The following CERS6 variants were observed in gnomAD, a reference collection of about 807,000 sequenced individuals.
The protein encoded by CERS6 is LAG1 homolog, ceramide synthase 6.
Under a neutral mutation model 56.8 loss-of-function variants are expected in CERS6, and 26 were observed. That is an observed-to-expected ratio of 0.46 (90% CI 0.34 to 0.63). CERS6 has a LOEUF of 0.63. Ranked by LOEUF, CERS6 falls within the 30% of genes least tolerant of loss-of-function variation. CERS6 has a pLI of 0.01. For synonymous variants in CERS6, 164 were observed against 173.3 expected, an observed-to-expected ratio of 0.95 and a Z score of 0.42; for missense variants, 415 against 467.5, an observed-to-expected ratio of 0.89 and a Z score of 1.04.
rs193263587 is a variant in CERS6, at chr2:168,752,541, C to A, written c.846-13051C>A. 6.5e-3 allele frequency among the ~76,000 whole-genome samples: 992 copies of A among 152,264 alleles called. 3 individuals are homozygous for A. The highest frequency in any genetic ancestry group is 0.017 in the Middle Eastern group (5 of 294). ...TACTGCCAGGTCACACCCAGCCAGT[C>A]CTTGTGTATTCATATTCCTGGTTGC... On this transcript the variant is annotated intron_variant, in intron 8 of 9. Coordinates refer to ENST00000305747, the MANE Select transcript of CERS6 (RefSeq NM_203463.3).
At chr2:168,515,098 A>G (rs1411682938) in intron 1 of CERS6, among the ~76,000 whole-genome samples, 5 of 152,230 alleles carry the variant, frequency 3.3e-5, no homozygotes. Flanking sequence ...ATGAGATTTT[A>G]GTATTTTAGA....
chr2:168,498,616 C>G (rs1027758136), intron 1 of CERS6, among the ~76,000 whole-genome samples: 1 of 152,178 alleles, frequency 6.6e-6, no homozygotes, highest in Admixed American at 6.5e-5. Flanking sequence ...GGAGACTTAA[C>G]GTAAATATAT....
At chr2:168,757,371 A>C (rs938075158) in intron 8 of CERS6, among the ~76,000 whole-genome samples, 8 of 151,678 alleles carry the variant, frequency 5.3e-5, no homozygotes, top group African/African-American at 2.0e-4. Context: ...AAAAAAAAAA[A>C]AAACATCTGC....
intron 1 of CERS6, among the ~76,000 whole-genome samples, chr2:168,457,664 G>C (rs1197455625): frequency 6.6e-6 from 1 of 151,992 alleles, no homozygotes; most frequent in African/African-American, 2.4e-5. Context: ...TGCATTTCTC[G>C]CTTCCACTCC....
chr2:168,457,885 G>C (rs1476015117), intron 1 of CERS6, among the ~76,000 whole-genome samples: 1 of 152,156 alleles, frequency 6.6e-6, no homozygotes, highest in Non-Finnish European at 1.5e-5. Flanking sequence ...GGACAGTATT[G>C]TTGCTTGAAA....
At chr2:168,497,441 A>G (rs1403470286) in intron 1 of CERS6, among the ~76,000 whole-genome samples, 3 of 152,164 alleles carry the variant, frequency 2.0e-5, no homozygotes, top group East Asian at 1.9e-4. Context: ...AAAGATAGAT[A>G]CCTAAGTACT....
At chr2:168,485,812 G>C (rs1326450460) in intron 1 of CERS6, among the ~76,000 whole-genome samples, 2 of 152,168 alleles carry the variant, frequency 1.3e-5, no homozygotes, top group Non-Finnish European at 2.9e-5. Flanking sequence ...ATGTTTGTGT[G>C]TAGGTTTTTG....
At chr2:168,559,188 G>A (rs1054496671) in intron 2 of CERS6, among the ~76,000 whole-genome samples, 1 of 151,374 alleles carries the variant, frequency 6.6e-6, no homozygotes, top group Non-Finnish European at 1.5e-5. Context: ...TGTAGATGGT[G>A]TCATTACTAC....
chr2:168,750,723 A>G (rs1306032460), intron 8 of CERS6, among the ~76,000 whole-genome samples: 1 of 152,130 alleles, frequency 6.6e-6, no homozygotes, highest in Non-Finnish European at 1.5e-5. Context: ...TCATGGACAA[A>G]TTTCCTCACG....
chr2:168,750,438 T>G (rs552829615), intron 8 of CERS6, among the ~76,000 whole-genome samples: 3 of 152,376 alleles, frequency 2.0e-5, no homozygotes, highest in Admixed American at 6.5e-5. Context: ...TTGTTTGATA[T>G]CTTTGTTTCT....
intron 1 of CERS6, among the ~76,000 whole-genome samples, chr2:168,481,796 T>C (rs1694182822): frequency 6.6e-6 from 1 of 152,240 alleles, no homozygotes; most frequent in Admixed American, 6.5e-5. Flanking sequence ...AGCTAAGAAA[T>C]CATTCCTATG....
chr2:168,681,502 T>C (rs1157645247), intron 4 of CERS6, among the ~76,000 whole-genome samples: 1 of 152,198 alleles, frequency 6.6e-6, no homozygotes, highest in Non-Finnish European at 1.5e-5. Context: ...CATTCTTGTT[T>C]TTATTATTTT....
At chr2:168,575,965 T>C (rs1683253352) in intron 3 of CERS6, among the ~76,000 whole-genome samples, 1 of 152,108 alleles carries the variant, frequency 6.6e-6, no homozygotes, top group African/African-American at 2.4e-5. Flanking sequence ...GAATGGTACT[T>C]AGTGTCTAAT....
chr2:168,606,551 C>T (rs1264217343), intron 3 of CERS6: 2 of 152,102 alleles, frequency 1.3e-5, no homozygotes, highest in Admixed American at 1.3e-4. Flanking sequence ...AGCCTTGTCT[C>T]AGTTGAGACT....
chr2:168,608,490 ATCT>A (rs1233349409), intron 3 of CERS6, among the ~76,000 whole-genome samples: 1 of 152,248 alleles, frequency 6.6e-6, no homozygotes, highest in Non-Finnish European at 1.5e-5. Context: ...ACACCATTTC[ATCT>A]TCCCACCAGC....
intron 1 of CERS6, among the ~76,000 whole-genome samples, chr2:168,471,048 G>C (rs1693968511): frequency 6.6e-6 from 1 of 152,138 alleles, no homozygotes; most frequent in South Asian, 2.1e-4. Context: ...GCCCCAGGCT[G>C]TCCACACCTG....
intron 1 of CERS6, among the ~76,000 whole-genome samples, chr2:168,459,045 G>T (rs985985068): frequency 2.0e-5 from 3 of 152,166 alleles, no homozygotes; most frequent in African/African-American, 7.2e-5. Flanking sequence ...TTCTTTTGCA[G>T]TATTCTATAA....
At chr2:168,652,342 C>G (rs76426292) in intron 4 of CERS6, among the ~76,000 whole-genome samples, 2,588 of 152,168 alleles carry the variant, frequency 0.017, 102 homozygotes, top group East Asian at 0.16. Flanking sequence ...ATGATAGGAA[C>G]AAGTTTATGA....
intron 1 of CERS6, among the ~76,000 whole-genome samples, chr2:168,517,308 A>G (rs578172423): frequency 1.3e-5 from 2 of 151,904 alleles, no homozygotes; most frequent in South Asian, 2.1e-4. Flanking sequence ...CCTGGACAAC[A>G]TGGAGAAACC....
Sources: gnomAD v4.1 joint callset for allele counts (sites outside exome capture counted in the v4.1 genomes callset) on GRCh38, gnomAD v4.1.1 for gene constraint, MANE v1.5 for transcripts, NCBI Gene and HGNC (gene_info 2026-07-23, HGNC 2026-07-21) for gene names.